ANKRD29: variants seen among roughly 807,000 people sequenced by gnomAD.
The protein encoded by ANKRD29 is ankyrin repeat domain-containing protein 29.
ANKRD29 carries 32 observed loss-of-function variants against 38.0 expected under a neutral mutation model. The ratio of observed to expected loss-of-function variants is 0.84; its 90% confidence interval spans 0.64 to 1.13. ANKRD29 has a LOEUF of 1.13. Among genes scored for constraint, ANKRD29 ranks in the 50% most tolerant of loss-of-function variants. The pLI, the probability that ANKRD29 is intolerant of heterozygous loss-of-function variation, is 0.00. For synonymous variants in ANKRD29, 135 were observed against 152.4 expected, an observed-to-expected ratio of 0.89 and a Z score of 0.84; for missense variants, 357 against 377.9, an observed-to-expected ratio of 0.94 and a Z score of 0.46.
At chr18:23,648,502 G>C (rs371656370) in intron 2 of ANKRD29, 5 of 169,732 alleles carry the variant, frequency 2.9e-5, no homozygotes, top group South Asian at 2.0e-4. Flanking sequence ...CCAGAGATGA[G>C]AAGTCTTGCT....
intron 3 of ANKRD29, among the ~76,000 whole-genome samples, chr18:23,642,869 A>ATCT (rs1376248463): frequency 6.6e-6 from 1 of 152,232 alleles, no homozygotes; most frequent in Non-Finnish European, 1.5e-5. Context: ...TAAAATGCTA[A>ATCT]TCTTACATGC....
intron 6 of ANKRD29, among the ~76,000 whole-genome samples, chr18:23,628,926 T>C (rs1238992735): frequency 6.6e-6 from 1 of 152,244 alleles, no homozygotes; most frequent in Non-Finnish European, 1.5e-5. Flanking sequence ...GGTTCTTCAC[T>C]GTTTATAAAG....
chr18:23,622,904 A>T (rs1298950217), intron 6 of ANKRD29, among the ~76,000 whole-genome samples: 2 of 152,206 alleles, frequency 1.3e-5, no homozygotes, highest in Non-Finnish European at 2.9e-5. Flanking sequence ...ATCAATGATA[A>T]CACTCATCAA....
intron 9 of ANKRD29, among the ~76,000 whole-genome samples, chr18:23,603,127 G>T (rs886556317): frequency 6.6e-6 from 1 of 152,182 alleles, no homozygotes; most frequent in Non-Finnish European, 1.5e-5. Flanking sequence ...ATTCTCTGAT[G>T]CCACATCAAT....
At chr18:23,637,990 A>ACTTCTTT (rs1158644249) in intron 4 of ANKRD29, among the ~76,000 whole-genome samples, 1 of 119,852 alleles carries the variant, frequency 8.3e-6, no homozygotes, top group Non-Finnish European at 1.6e-5. Flanking sequence ...AAAATCAATT[A>ACTTCTTT]CTTCTTTTTT....
chr18:23,634,235 G>T, intron 4 of ANKRD29, 86 bp from the exon 5 acceptor site: 1 of 960,678 alleles, frequency 1.0e-6, no homozygotes, highest in African/African-American at 1.7e-5. Context: ...ATAGAATTTA[G>T]GAAGAGAGTT....
chr18:23,632,531 G>GTATATATATA (rs772817461), intron 5 of ANKRD29, among the ~76,000 whole-genome samples: 53,598 of 125,020 alleles, frequency 0.43, 13,273 homozygotes, highest in Non-Finnish European at 0.55. Flanking sequence ...GTGTGTGTGT[G>GTATATATATA]TGTATATATA....
chr18:23,621,211 A>G lies in ANKRD29; in HGVS notation c.529-1582T>C, dbSNP rs564380907. ...ATAAGACTGAATTACCCATCGGGGGAAGGGGGGCTGAAGAGCAAAATGATT... is the reference window on the plus strand; with the variant it reads ...ATAAGACTGAATTACCCATCGGGGGGAGGGGGGCTGAAGAGCAAAATGATT... On this transcript the variant is annotated intron_variant, in intron 6 of 9. Transcript: ENST00000592179. Among the ~76,000 whole-genome samples the G allele has an allele frequency of 5.8e-3, 886 of 152,268 alleles. 11 individuals carry two copies. The highest frequency in any genetic ancestry group is 0.021 in the African/African-American group (852 of 41,560).
intron 7 of ANKRD29, among the ~76,000 whole-genome samples, chr18:23,618,316 G>C (rs1307803567): frequency 6.6e-6 from 1 of 152,230 alleles, no homozygotes; most frequent in Non-Finnish European, 1.5e-5. Context: ...AGGGGCAGAG[G>C]TGATAGATTA....
At position 23,649,090 on chromosome 18, in the gene ANKRD29, C is replaced by T. The variant is rs2060177848; in HGVS notation, c.125G>A (p.Arg42Lys). The part of the protein sequence containing the change: ...LNSGRVDVDC[R>K]DSHGTTLLMV... Reference sequence around the variant, plus strand: ...TCTACCGAACCACCGTACGCTGTCTCTGCAGTCCACGTCCACCCGGCCGCT... The same window carrying T: ...TCTACCGAACCACCGTACGCTGTCTTTGCAGTCCACGTCCACCCGGCCGCT... Residue 42 changes from arginine to lysine, a missense_variant, in exon 2 of 10, where the codon AGA (arginine) becomes AAA (lysine). Coordinates refer to ENST00000592179, the MANE Select transcript of ANKRD29 (RefSeq NM_173505.4). The T allele has an allele frequency of 1.2e-6, 2 of 1,613,990 alleles. No homozygotes were observed. The highest frequency in any genetic ancestry group is 1.7e-5 in the Admixed American group (1 of 59,978).
intron 6 of ANKRD29, among the ~76,000 whole-genome samples, chr18:23,624,220 C>T (rs558840408): frequency 4.0e-5 from 6 of 151,532 alleles, no homozygotes; most frequent in African/African-American, 1.2e-4. Context: ...AATCCCAGCA[C>T]TTTGGGAGGC....
chr18:23,600,311 T>G lies in ANKRD29; in HGVS notation c.*915A>C, dbSNP rs1240732803. 6.6e-6 allele frequency: 1 copy of G among 152,204 alleles called. No homozygotes were observed. Among genetic ancestry groups the G allele is most frequent in the Non-Finnish European group, 1.5e-5 (1 of 68,040 alleles). The allele number at this position is 152,204 out of a possible 1,614,324, so 9.4% of individuals were successfully genotyped here. On this transcript the variant is annotated 3_prime_UTR_variant, in exon 10 of 10. Transcript: ENST00000592179. ...ACATACTGTACTTGCATATATCACATTTTATCCAAGGACCTCAAAGTCATT... is the reference window on the plus strand; with the variant it reads ...ACATACTGTACTTGCATATATCACAGTTTATCCAAGGACCTCAAAGTCATT...
At chr18:23,633,237 T>G (rs941429220) in intron 5 of ANKRD29, among the ~76,000 whole-genome samples, 24 of 152,214 alleles carry the variant, frequency 1.6e-4, no homozygotes, top group African/African-American at 5.5e-4. Flanking sequence ...GCACTAGCAG[T>G]GGATGCCTTT....
At chr18:23,633,900 T>C (rs1000738370) in intron 5 of ANKRD29, 151 bp downstream of exon 5, 6 of 726,748 alleles carry the variant, frequency 8.3e-6, no homozygotes, top group Non-Finnish European at 1.4e-5. Context: ...AAAAAGCCCA[T>C]CTGGTCCGCT....
At chr18:23,602,407 A>G (rs2059525800) in intron 9 of ANKRD29, among the ~76,000 whole-genome samples, 1 of 152,146 alleles carries the variant, frequency 6.6e-6, no homozygotes, top group South Asian at 2.1e-4. Context: ...AAAGAAGAGC[A>G]TTGGTGGCTA....
chr18:23,659,004 C>A (rs1265336892), intron 1 of ANKRD29, among the ~76,000 whole-genome samples: 1 of 152,090 alleles, frequency 6.6e-6, no homozygotes, highest in Non-Finnish European at 1.5e-5. Flanking sequence ...TGTTTTGAGA[C>A]AGAGTCTCAC....
intron 8 of ANKRD29, among the ~76,000 whole-genome samples, chr18:23,615,434 T>A (rs937334344): frequency 3.3e-5 from 5 of 152,184 alleles, no homozygotes; most frequent in Non-Finnish European, 5.9e-5. Flanking sequence ...TAAGATTTTT[T>A]TTTTGAGACA....
chr18:23,613,229 A>G (rs944602983), intron 8 of ANKRD29, among the ~76,000 whole-genome samples: 4 of 145,096 alleles, frequency 2.8e-5, no homozygotes, highest in Admixed American at 1.4e-4. Context: ...CTGGAGTGCA[A>G]TGGCGCAATC....
intron 6 of ANKRD29, among the ~76,000 whole-genome samples, chr18:23,623,075 G>C (rs538944375): frequency 6.6e-6 from 1 of 152,320 alleles, no homozygotes; most frequent in Admixed American, 6.5e-5. Flanking sequence ...CAAAGGTGGT[G>C]AGCATGAGCA....
Sources: allele counts gnomAD v4.1 joint callset (sites outside exome capture counted in the v4.1 genomes callset), GRCh38; gene constraint gnomAD v4.1.1; transcripts MANE v1.5; gene names NCBI Gene and HGNC (gene_info 2026-07-23, HGNC 2026-07-21).